The following CELF2 variants were observed in gnomAD, a reference collection of about 807,000 sequenced individuals.
The protein encoded by CELF2 is CUGBP Elav-like family member 2, also known as CUG triplet repeat RNA-binding protein 2.
A neutral mutation model predicts 62.6 loss-of-function variants in CELF2; 8 were observed. The observed-to-expected ratio is 0.13, with a 90% CI of 0.07 to 0.23. CELF2 has a LOEUF of 0.23. Ranked by LOEUF, CELF2 falls within the 10% of genes least tolerant of loss-of-function variation. The probability of loss-of-function intolerance (pLI) is 1.00; values close to 1 mark genes in which losing one functional copy is unlikely to be tolerated. For synonymous variants in CELF2, 258 were observed against 250.0 expected (o/e 1.03, Z -0.30); for missense variants, 333 against 671.0 (o/e 0.50, Z 5.56).
chr10:11,226,600 CCACACACACACACACACA>C (rs59521803), intron 3 of CELF2, among the ~76,000 whole-genome samples: 14 of 25,964 alleles, frequency 5.4e-4, no homozygotes, highest in Middle Eastern at 0.017. Context: ...CAGGCAGTGG[CCACACACACACACACACA>C]CACACACACA....
At chr10:10,617,370 A>C in the CELF2 span, among the ~76,000 whole-genome samples, 1 of 152,162 alleles carries the variant, frequency 6.6e-6, no homozygotes, top group Non-Finnish European at 1.5e-5. Flanking sequence ...AGCTGGGCAC[A>C]AGAGGTTAGG....
chr10:10,558,106 T>C, the CELF2 span, among the ~76,000 whole-genome samples: 61 of 151,886 alleles, frequency 4.0e-4, no homozygotes, highest in Middle Eastern at 6.8e-3. Context: ...CATCCCTGTC[T>C]TGTGCCAGTT....
chr10:10,526,193 T>G, the CELF2 span, among the ~76,000 whole-genome samples: 83 of 152,370 alleles, frequency 5.4e-4, 1 homozygote, highest in East Asian at 0.012. Context: ...TTCAACCAAG[T>G]ATCTATGCTT....
chr10:11,264,424 A>G (rs2081589005), intron 5 of CELF2, among the ~76,000 whole-genome samples: 1 of 152,276 alleles, frequency 6.6e-6, no homozygotes, highest in African/African-American at 2.4e-5. Context: ...GGATAATAAG[A>G]GCAAATGAAG....
chr10:11,185,227 T>C (rs2074537536), intron 2 of CELF2, among the ~76,000 whole-genome samples: 1 of 152,118 alleles, frequency 6.6e-6, no homozygotes, highest in African/African-American at 2.4e-5. Context: ...CATGCTACAG[T>C]GAACTGACGC....
chr10:11,197,816 A>G (rs1177396121), intron 2 of CELF2, among the ~76,000 whole-genome samples: 1 of 152,226 alleles, frequency 6.6e-6, no homozygotes, highest in African/African-American at 2.4e-5. Context: ...TGCTGACTGC[A>G]TTTCTTTATG....
chr10:10,692,155 G>A, the CELF2 span, among the ~76,000 whole-genome samples: 1 of 149,158 alleles, frequency 6.7e-6, no homozygotes, highest in South Asian at 2.1e-4. Context: ...TAACGTTTAA[G>A]TCTTTAATCC....
chr10:10,503,766 T>C, the CELF2 span, among the ~76,000 whole-genome samples: 1 of 152,018 alleles, frequency 6.6e-6, no homozygotes, highest in Non-Finnish European at 1.5e-5. Flanking sequence ...GTCTAGCATT[T>C]CATTTTTTAT....
At chr10:10,684,481 G>T in the CELF2 span, among the ~76,000 whole-genome samples, 2 of 152,126 alleles carry the variant, frequency 1.3e-5, no homozygotes, top group Non-Finnish European at 2.9e-5. Context: ...AGTGGCTCAC[G>T]CCTGTAATCC....
chr10:10,915,962 G>A, intron 1 of CELF2, among the ~76,000 whole-genome samples: 1 of 152,204 alleles, frequency 6.6e-6, no homozygotes, highest in East Asian at 1.9e-4. Context: ...TTACGCTTAG[G>A]AAGCAATGCT....
the CELF2 span, among the ~76,000 whole-genome samples, chr10:10,547,794 G>A: frequency 1.3e-5 from 2 of 151,456 alleles, no homozygotes; most frequent in Non-Finnish European, 2.9e-5. Flanking sequence ...ATAGGTAAAA[G>A]TATCGGGCTG....
rs570859167 is a variant in CELF2, at chr10:10,815,227, C to T, written c.53+16410C>T. On this transcript the variant is annotated intron_variant, in intron 1 of 13. Coordinates refer to the CELF2 transcript ENST00000636488. ...TCTCCCAGGGTGTCACTGATGTGCT[C>T]CTCTTTGCCCCTCTCTCCCCTTGTA... is the stretch of plus-strand genomic sequence containing the variant. Among the ~76,000 whole-genome samples the T allele has an allele frequency of 3.3e-5, 5 of 152,232 alleles. No individual in the cohort carries two copies. The East Asian group carries it at 7.7e-4, about 24-fold the overall frequency.
chr10:11,044,235 GC>G (rs1373403197), intron 1 of CELF2, among the ~76,000 whole-genome samples: 1 of 152,094 alleles, frequency 6.6e-6, no homozygotes, highest in Non-Finnish European at 1.5e-5. Context: ...CTTTTGTGTT[GC>G]TTTTCCGTAT....
chr10:10,899,735 A>AT (rs1422937771), intron 1 of CELF2, among the ~76,000 whole-genome samples: 2 of 152,218 alleles, frequency 1.3e-5, no homozygotes, highest in Non-Finnish European at 2.9e-5. Flanking sequence ...ACTTACAATC[A>AT]TGGCGGAAAG....
the CELF2 span, among the ~76,000 whole-genome samples, chr10:10,668,433 T>C: frequency 6.6e-6 from 1 of 152,216 alleles, no homozygotes; most frequent in Non-Finnish European, 1.5e-5. Context: ...CTTATTCCTC[T>C]GTCTTGCATG....
In CELF2 at chr10:11,321,176, GT is replaced by G; in HGVS notation, c.1097-7del. 1 of 1,613,798 alleles carries G rather than the reference GT, an allele frequency of 6.2e-7. No homozygotes were observed. On this transcript the variant is annotated splice_polypyrimidine_tract_variant and intron_variant, in intron 10 of 12. Transcript: ENST00000633077. This position sits in a 1 kb window ranked among gnomAD's most constrained non-coding sequence, Gnocchi z 6.2. ...TGCTGTTTCTCTTCTCTATTGTTGG[GT>G]TTTTTGTAAAGTTGCTCAAATGCTC... is the stretch of plus-strand genomic sequence containing the variant.
the CELF2 span, among the ~76,000 whole-genome samples, chr10:10,594,810 C>A: frequency 6.6e-6 from 1 of 152,138 alleles, no homozygotes; most frequent in Non-Finnish European, 1.5e-5. Context: ...GTCAGAAAAT[C>A]TTCCAGGCAG....
chr10:10,742,585 G>C, the CELF2 span, among the ~76,000 whole-genome samples: 1 of 87,204 alleles, frequency 1.1e-5, no homozygotes, highest in African/African-American at 5.2e-5. Flanking sequence ...GCAAGACTTT[G>C]TTGCAAAAAA....
chr10:11,258,094 C>G (rs2079351929), intron 5 of CELF2, among the ~76,000 whole-genome samples: 1 of 152,242 alleles, frequency 6.6e-6, no homozygotes, highest in South Asian at 2.1e-4. Flanking sequence ...CAAGTTATCA[C>G]TGTCAGGTGT....
Sources: gnomAD v4.1 joint callset for allele counts (sites outside exome capture counted in the v4.1 genomes callset) on GRCh38, gnomAD v4.1.1 for gene constraint, Gnocchi (gnomAD v3.1) non-coding constraint, MANE v1.5 for transcripts, NCBI Gene and HGNC (gene_info 2026-07-23, HGNC 2026-07-21) for gene names.